RHOBTB2: variants seen among roughly 807,000 people sequenced by gnomAD.
RHOBTB2 encodes the protein rho-related BTB domain-containing protein 2.
A neutral mutation model predicts 66.5 loss-of-function variants in RHOBTB2; 39 were observed. That is an observed-to-expected ratio of 0.59 (90% CI 0.45 to 0.77). The LOEUF is 0.77. RHOBTB2 is among the 30% of genes least tolerant of loss of function. The pLI is 0.00. For synonymous variants in RHOBTB2, 390 were observed against 395.0 expected, an observed-to-expected ratio of 0.99 and a Z score of 0.15; for missense variants, 755 against 999.1, an observed-to-expected ratio of 0.76 and a Z score of 3.29.
At chr8:22,996,344 C>T (rs1242144729), upstream of RHOBTB2, among the ~76,000 whole-genome samples, 2 of 152,108 alleles carry the variant, frequency 1.3e-5, no homozygotes, top group African/African-American at 4.8e-5. Context: ...TGGGCTACAG[C>T]CACGCAGCCA....
chr8:23,009,501 C>T (rs974095246), intron 6 of RHOBTB2, among the ~76,000 whole-genome samples: 10 of 152,252 alleles, frequency 6.6e-5, no homozygotes, highest in East Asian at 3.9e-4. Flanking sequence ...TGTGCAGGCG[C>T]GTGGAGTTCT....
the RHOBTB2 span, among the ~76,000 whole-genome samples, chr8:22,979,853 G>A: frequency 6.7e-6 from 1 of 148,498 alleles, no homozygotes; most frequent in African/African-American, 2.5e-5. Flanking sequence ...TGCCTCCTGG[G>A]TTCAAGCAAT....
At chr8:22,977,836 G>A in the RHOBTB2 span, 3 of 152,116 alleles carry the variant, frequency 2.0e-5, no homozygotes, top group South Asian at 2.1e-4. Flanking sequence ...GTGGTTTTGT[G>A]GTTATATAGG....
rs1490498653 is a variant in RHOBTB2, at chr8:22,988,686, T to G, written c.-137+1123T>G. ...CTCTCAGGCTTACTGTAGGAATTCC[T>G]TCCAGGGCAACAGAGACCCCCAACC... On this transcript the variant is annotated intron_variant, in intron 1 of 11. Transcript: ENST00000519685. Among the ~76,000 whole-genome samples, 3 of 152,198 alleles carry G rather than the reference T, an allele frequency of 2.0e-5. No homozygotes were observed. The East Asian group carries it at 5.8e-4, about 29-fold the overall frequency.
At position 23,004,143 on chromosome 8, in the gene RHOBTB2, C is replaced by T. The variant is rs1810872177; in HGVS notation, c.-10-282C>T. ...TCGGCAAGCTCCACTGGTGATCTCG[C>T]GTAGGTCTCCTTCATCCAGACGCAC... On this transcript the variant is annotated intron_variant, in intron 1 of 9. Transcript: ENST00000251822. This position sits in a 1 kb window ranked among gnomAD's most constrained non-coding sequence, Gnocchi z 6.4. 1 of 461,328 alleles carries T rather than the reference C, an allele frequency of 2.2e-6. No homozygotes were observed. The highest frequency in any genetic ancestry group is 4.0e-6 in the Non-Finnish European group (1 of 247,786). The allele number at this position is 461,328 out of a possible 1,614,324, so 28.6% of individuals were successfully genotyped here.
At chr8:22,983,630 G>A (rs1258511850), upstream of RHOBTB2, among the ~76,000 whole-genome samples, 1 of 152,122 alleles carries the variant, frequency 6.6e-6, no homozygotes, top group Non-Finnish European at 1.5e-5. Context: ...CTACCTTGAG[G>A]GAAAAAGGTT....
Position 23,017,188 on chromosome 8 carries a change from G to A in RHOBTB2, c.1967-64G>A. On this transcript the variant is annotated intron_variant, in intron 9 of 9. Transcript: ENST00000251822. This position sits in a 1 kb window ranked among gnomAD's most constrained non-coding sequence, Gnocchi z 5.3. ...CAGGCCTTGTGGTGGGGTAGGGCTG[G>A]TGTCCCACGTTCCTCTTGTCCCTCT... The A allele has an allele frequency of 1.1e-5, 18 of 1,592,886 alleles. No individual in the cohort carries two copies. Among genetic ancestry groups the A allele is most frequent in the Non-Finnish European group, 1.5e-5 (17 of 1,168,300 alleles).
upstream of RHOBTB2, among the ~76,000 whole-genome samples, chr8:22,995,058 G>A (rs1810510613): frequency 6.6e-6 from 1 of 152,122 alleles, no homozygotes; most frequent in South Asian, 2.1e-4. Flanking sequence ...GAGCCACCGC[G>A]CCAGGTTCAA....
the RHOBTB2 span, among the ~76,000 whole-genome samples, chr8:22,971,347 T>C: frequency 1.7e-5 from 2 of 118,764 alleles, no homozygotes; most frequent in African/African-American, 7.9e-5. Context: ...ACTACGCCCA[T>C]CTATTTTTTT....
chr8:23,009,169 A>AG (rs879727582), intron 6 of RHOBTB2, among the ~76,000 whole-genome samples: 10 of 48,232 alleles, frequency 2.1e-4, no homozygotes, highest in East Asian at 6.3e-4. Context: ...AAAAAGAAAA[A>AG]AAGAGAGAGA....
chr8:22,951,187 T>C, the RHOBTB2 span, among the ~76,000 whole-genome samples: 1 of 152,036 alleles, frequency 6.6e-6, no homozygotes, highest in African/African-American at 2.4e-5. Flanking sequence ...TTAAAAATTT[T>C]TTTTTCCTTT....
chr8:22,996,808 C>T (rs1810581306), upstream of RHOBTB2, among the ~76,000 whole-genome samples: 1 of 151,968 alleles, frequency 6.6e-6, no homozygotes, highest in African/African-American at 2.4e-5. Flanking sequence ...CCCAACAGCA[C>T]CTTGCTTGCT....
chr8:22,982,435 A>C (rs2006211), upstream of RHOBTB2, among the ~76,000 whole-genome samples: 34,293 of 152,110 alleles, frequency 0.23, 4,753 homozygotes, highest in East Asian at 0.51. Flanking sequence ...CAGCCTGGCC[A>C]ACATGGAGAA....
the RHOBTB2 span, among the ~76,000 whole-genome samples, chr8:22,964,805 T>C: frequency 1.1e-5 from 1 of 90,602 alleles, no homozygotes; most frequent in Non-Finnish European, 2.9e-5. Flanking sequence ...TATTTATTTA[T>C]TTATTTATTT....
chr8:22,986,971 C>T (rs187306977), upstream of RHOBTB2, among the ~76,000 whole-genome samples: 1 of 152,370 alleles, frequency 6.6e-6, no homozygotes, highest in East Asian at 1.9e-4. Flanking sequence ...GCAACCACCC[C>T]TACCTTGCTT....
Position 23,004,454 on chromosome 8 carries a change from AT to A in RHOBTB2, c.21del (p.Tyr7Ter), listed in dbSNP as rs767309538. The A allele has an allele frequency of 6.2e-7, 1 of 1,614,192 alleles. No individual in the cohort carries two copies. Among genetic ancestry groups the A allele is most frequent in the Non-Finnish European group, 8.5e-7 (1 of 1,180,016 alleles). MDSDMD[Y>X]ERPNVETIKC... The stretch of plus-strand genomic sequence containing the variant: ...CGTTTAATGGATTCTGACATGGATT[AT>A]GAAAGGCCAAACGTAGAGACCATCA... On this transcript the variant is annotated frameshift_variant, in exon 2 of 10. Coordinates refer to ENST00000251822, the MANE Select transcript of RHOBTB2 (RefSeq NM_015178.3). LOFTEE classifies it high-confidence loss of function. This position sits in a 1 kb window ranked among gnomAD's most constrained non-coding sequence, Gnocchi z 6.4.
In RHOBTB2 at chr8:23,004,408, TC is replaced by T; in HGVS notation, c.-10-14del. 6.2e-7 allele frequency: 1 copy of T among 1,611,866 alleles called. No homozygotes were observed. The highest frequency in any genetic ancestry group is 8.5e-7 in the Non-Finnish European group (1 of 1,178,062). On this transcript the variant is annotated splice_polypyrimidine_tract_variant and intron_variant, in intron 1 of 9. Coordinates refer to ENST00000251822, the MANE Select transcript of RHOBTB2 (RefSeq NM_015178.3). The surrounding 1 kb of genome is among the most constrained non-coding windows in gnomAD (Gnocchi z 6.4). ...GGCATGCCATGCCGTCCTGACCGCC[TC>T]CCTCCTCTCCCTCAGGTCCCGTTTA...
intron 8 of RHOBTB2, 59 bp downstream of exon 8, chr8:23,014,837 T>C (rs1234703355): frequency 7.3e-7 from 1 of 1,367,200 alleles, no homozygotes; most frequent in Non-Finnish European, 1.0e-6. Flanking sequence ...GCCTGCCCAT[T>C]GGCTGCGAAT....
the RHOBTB2 span, among the ~76,000 whole-genome samples, chr8:22,975,066 C>T: frequency 6.6e-6 from 1 of 152,242 alleles, no homozygotes; most frequent in East Asian, 1.9e-4. Context: ...ACTGCTGACC[C>T]CAAAACCCAC....
Sources: gnomAD v4.1 joint callset for allele counts (sites outside exome capture counted in the v4.1 genomes callset) on GRCh38, gnomAD v4.1.1 for gene constraint, Gnocchi (gnomAD v3.1) non-coding constraint, MANE v1.5 for transcripts, NCBI Gene and HGNC (gene_info 2026-07-23, HGNC 2026-07-21) for gene names.